The following BBS9 variants were observed in gnomAD, a reference collection of about 807,000 sequenced individuals.
The protein encoded by BBS9 is Bardet-Biedl syndrome 9.
Under a neutral mutation model 117.7 loss-of-function variants are expected in BBS9, and 89 were observed. The ratio of observed to expected loss-of-function variants is 0.76; its 90% confidence interval spans 0.64 to 0.90. BBS9 has a LOEUF of 0.90. Among genes scored for constraint, BBS9 ranks in the 40% least tolerant of loss-of-function variants. The pLI is 0.00. For synonymous variants in BBS9, 379 were observed against 370.9 expected (o/e 1.02, Z -0.25); for missense variants, 982 against 1,042.2 (o/e 0.94, Z 0.80).
chr7:33,140,799 G>A (rs1185110398), intron 1 of BBS9, among the ~76,000 whole-genome samples: 1 of 152,160 alleles, frequency 6.6e-6, no homozygotes, highest in Non-Finnish European at 1.5e-5. Flanking sequence ...AACAAATGGT[G>A]CAAATATTTT....
chr7:33,461,343 A>C (rs1405722068), intron 19 of BBS9, among the ~76,000 whole-genome samples: 3 of 152,014 alleles, frequency 2.0e-5, no homozygotes, highest in Non-Finnish European at 2.9e-5. Flanking sequence ...TTTAAAAGCT[A>C]TTCCTAACTT....
chr7:33,209,418 A>C (rs1787590116), intron 5 of BBS9, among the ~76,000 whole-genome samples: 2 of 152,202 alleles, frequency 1.3e-5, no homozygotes, highest in Admixed American at 1.3e-4. Context: ...GAGTGCAGAT[A>C]TCTCTTTGAT....
At position 33,597,023 on chromosome 7, in the gene BBS9, G is replaced by A. The variant is rs1412884436; in HGVS notation, c.2522-7842G>A. 2.0e-5 allele frequency among the ~76,000 whole-genome samples: 3 copies of A among 148,092 alleles called. No individual in the cohort carries two copies. The Admixed American group carries it at 2.0e-4, about 10-fold the overall frequency. Reference sequence around the variant, plus strand: ...TATCAGAAAATTTATACATGTCTATGTACCTATGTGCATATATATGAATCA... The same window carrying A: ...TATCAGAAAATTTATACATGTCTATATACCTATGTGCATATATATGAATCA... On this transcript the variant is annotated intron_variant, in intron 21 of 22. Coordinates refer to ENST00000242067, the MANE Select transcript of BBS9 (RefSeq NM_198428.3).
intron 19 of BBS9, among the ~76,000 whole-genome samples, chr7:33,489,181 A>G (rs1433550005): frequency 6.6e-6 from 1 of 151,422 alleles, no homozygotes; most frequent in African/African-American, 2.4e-5. Flanking sequence ...TTTAGTAGAG[A>G]TGGGGTTTCG....
intron 19 of BBS9, among the ~76,000 whole-genome samples, chr7:33,440,415 G>C (rs1835988649): frequency 6.6e-6 from 1 of 152,100 alleles, no homozygotes. Flanking sequence ...TCTAAAGAAA[G>C]GGTAGTTTTA....
chr7:33,201,943 G>A (rs1785943481), intron 5 of BBS9, among the ~76,000 whole-genome samples: 1 of 152,204 alleles, frequency 6.6e-6, no homozygotes, highest in Non-Finnish European at 1.5e-5. Flanking sequence ...GCCAGGTCAT[G>A]ATTACAGAAG....
intron 1 of BBS9, among the ~76,000 whole-genome samples, chr7:33,131,866 C>G (rs1789668087): frequency 6.6e-6 from 1 of 151,806 alleles, no homozygotes; most frequent in Non-Finnish European, 1.5e-5. Context: ...GGTCAGCCAC[C>G]TCTTAAATGA....
intron 21 of BBS9, among the ~76,000 whole-genome samples, chr7:33,611,624 TTAA>T (rs1429638708): frequency 5.1e-4 from 68 of 132,306 alleles, no homozygotes; most frequent in African/African-American, 1.6e-3. Flanking sequence ...TATTAATTAT[TTAA>T]TAATATTATT....
intron 21 of BBS9, among the ~76,000 whole-genome samples, chr7:33,566,382 T>C (rs2129128522): frequency 6.6e-6 from 1 of 152,120 alleles, no homozygotes; most frequent in South Asian, 2.1e-4. Context: ...CTATGATGTA[T>C]ATGTATACAT....
intron 15 of BBS9, among the ~76,000 whole-genome samples, chr7:33,353,924 T>C (rs1289823178): frequency 1.3e-5 from 2 of 152,098 alleles, no homozygotes; most frequent in East Asian, 3.8e-4. Context: ...AATGAATATT[T>C]ACATTTTAAT....
chr7:33,472,550 C>T (rs1841196148), intron 19 of BBS9, among the ~76,000 whole-genome samples: 1 of 152,120 alleles, frequency 6.6e-6, no homozygotes, highest in Admixed American at 6.6e-5. Context: ...TGGTAGATAA[C>T]ATGGAGGTTA....
chr7:33,390,192 A>AG, intron 19 of BBS9: 1 of 952,108 alleles, frequency 1.1e-6, no homozygotes, highest in Non-Finnish European at 1.3e-6. Context: ...TTGAGGCTGA[A>AG]GGTATGGTCA....
chr7:33,633,640 C>T (rs1207707961), intron 21 of BBS9, among the ~76,000 whole-genome samples: 1 of 150,888 alleles, frequency 6.6e-6, no homozygotes, highest in Non-Finnish European at 1.5e-5. Context: ...GTAGTGGCTT[C>T]CCACGATCTC....
intron 5 of BBS9, among the ~76,000 whole-genome samples, chr7:33,237,699 C>G (rs1482641529): frequency 2.6e-5 from 4 of 152,160 alleles, no homozygotes. Context: ...TTTAAATTAA[C>G]CTTCTCACTG....
chr7:33,142,200 T>A (rs908051704), intron 1 of BBS9, among the ~76,000 whole-genome samples: 1 of 152,150 alleles, frequency 6.6e-6, no homozygotes, highest in East Asian at 1.9e-4. Flanking sequence ...GGATTACAGG[T>A]GTGAGCCACC....
chr7:33,432,165 A>G (rs535406309), intron 19 of BBS9, among the ~76,000 whole-genome samples: 11 of 149,398 alleles, frequency 7.4e-5, no homozygotes, highest in South Asian at 6.3e-4. Context: ...TCTCACTGCA[A>G]TGGTGCGATC....
At chr7:33,235,126 G>A (rs1793237439) in intron 5 of BBS9, among the ~76,000 whole-genome samples, 1 of 152,144 alleles carries the variant, frequency 6.6e-6, no homozygotes, top group African/African-American at 2.4e-5. Flanking sequence ...GAAAGAATAT[G>A]TTTAATGATT....
chr7:33,606,641 G>A (rs551301676), downstream of BBS9, among the ~76,000 whole-genome samples: 1 of 152,066 alleles, frequency 6.6e-6, no homozygotes, highest in Admixed American at 6.6e-5. Context: ...TGGGGAAAAC[G>A]TTACCAACAC....
chr7:33,303,497 T>C (rs1425479960), intron 9 of BBS9, among the ~76,000 whole-genome samples: 1 of 151,554 alleles, frequency 6.6e-6, no homozygotes, highest in Non-Finnish European at 1.5e-5. Flanking sequence ...AAATGCTTTT[T>C]TTAGTATCAA....
Sources: gnomAD v4.1 joint callset for allele counts (sites outside exome capture counted in the v4.1 genomes callset) on GRCh38, gnomAD v4.1.1 for gene constraint, MANE v1.5 for transcripts, NCBI Gene and HGNC (gene_info 2026-07-23, HGNC 2026-07-21) for gene names.